APBA3: variants seen among roughly 807,000 people sequenced by gnomAD.
The protein encoded by APBA3 is amyloid beta precursor protein binding family A member 3.
Under a neutral mutation model 55.9 loss-of-function variants are expected in APBA3, and 45 were observed. The observed-to-expected ratio is 0.80, with a 90% CI of 0.63 to 1.03. APBA3 has a LOEUF of 1.03. Among genes scored for constraint, APBA3 ranks in the 50% least tolerant of loss-of-function variants. The pLI, the probability that APBA3 is intolerant of heterozygous loss-of-function variation, is 0.00. For synonymous variants in APBA3, 370 were observed against 353.3 expected (o/e 1.05, Z -0.53); for missense variants, 865 against 820.3 (o/e 1.05, Z -0.67).
At chr19:3,757,373 T>A (rs745977882) in intron 3 of APBA3, among the ~76,000 whole-genome samples, 108 of 152,214 alleles carry the variant, frequency 7.1e-4, no homozygotes, top group Non-Finnish European at 6.9e-4. Context: ...TTTCAAAGTG[T>A]TGGGATTACA....
chr19:3,760,874 C>T (rs1168217610), intron 1 of APBA3, among the ~76,000 whole-genome samples: 1 of 151,996 alleles, frequency 6.6e-6, no homozygotes, highest in East Asian at 1.9e-4. Flanking sequence ...GATTGTGCCA[C>T]TGCACTCCAG....
chr19:3,752,381 C>A, intron 8 of APBA3, 127 bp downstream of exon 8: 1 of 867,082 alleles, frequency 1.2e-6, no homozygotes, highest in Non-Finnish European at 1.7e-6. Flanking sequence ...CACCAGTGGG[C>A]AGGACTTAAA....
intron 3 of APBA3, among the ~76,000 whole-genome samples, chr19:3,759,127 A>G (rs1402261571): frequency 6.6e-6 from 1 of 151,814 alleles, no homozygotes; most frequent in Non-Finnish European, 1.5e-5. Context: ...TATTTGGGAA[A>G]CTGAGGTGGG....
At chr19:3,753,468 C>T (rs945449470) in intron 6 of APBA3, 8 of 402,076 alleles carry the variant, frequency 2.0e-5, no homozygotes, top group South Asian at 9.0e-5. Context: ...GGCAACAGAG[C>T]GAGACCGTGT....
intron 3 of APBA3, among the ~76,000 whole-genome samples, chr19:3,757,420 T>C (rs934137353): frequency 6.6e-6 from 1 of 151,560 alleles, no homozygotes; most frequent in Non-Finnish European, 1.5e-5. Context: ...ACTTACTATC[T>C]GACCTATATC....
At chr19:3,754,610 C>T (rs1240828687) in intron 3 of APBA3, 1 of 448,794 alleles carries the variant, frequency 2.2e-6, no homozygotes, top group African/African-American at 2.1e-5. Context: ...ATCTAGCACC[C>T]ACAGATACCT....
chr19:3,758,377 A>C (rs1599176400), intron 3 of APBA3, among the ~76,000 whole-genome samples: 4 of 149,954 alleles, frequency 2.7e-5, no homozygotes, highest in Admixed American at 2.0e-4. Context: ...TCCCGCCTCA[A>C]CCTCCTGAGT....
rs1018764553 is a variant in APBA3 at position 3,760,021 on chromosome 19, G to A, written c.244C>T (p.Pro82Ser). 6.2e-7 allele frequency: 1 copy of A among 1,613,154 alleles called. No homozygotes were observed. The highest frequency in any genetic ancestry group is 1.3e-5 in the African/African-American group (1 of 75,056). Residue 82 changes from proline (P) to serine (S), a missense_variant, in exon 2 of 11, where the codon CCC becomes TCC. Pro to Ser is a moderately conservative substitution (Grantham distance 74). Transcript: ENST00000316757. ...VGPSPGGAPC[P>S]LHIATGHGLA... is the part of the protein sequence containing the mutation. ...CCATGGCCTGTGGCAATGTGTAGGG[G>A]ACAGGGGGCTCCACCTGGGGATGGG...
Position 3,753,760 on chromosome 19 carries a change from C to G in APBA3, c.1011+5G>C. The stretch of plus-strand genomic sequence containing the variant: ...GGAGGGTGGCCCCGCGCCCTGGCTG[C>G]TCACGTCCTCCGCGTAGAATACGTG... On this transcript the variant is annotated splice_donor_5th_base_variant and intron_variant, in intron 6 of 10. Coordinates refer to ENST00000316757, the MANE Select transcript of APBA3 (RefSeq NM_004886.4). The G allele has an allele frequency of 7.3e-6, 11 of 1,512,384 alleles. No homozygotes were observed. Among genetic ancestry groups the G allele is most frequent in the Non-Finnish European group, 9.8e-6 (11 of 1,128,076 alleles). 93.7% of individuals were successfully genotyped at this position (1,512,384 alleles called of 1,614,324 possible). A position where few individuals can be genotyped will look rare whatever the true frequency, so the allele number is the denominator to read the frequency against.
rs1291915078 is a variant in APBA3, at chr19:3,759,787, C to T, written c.478G>A (p.Ala160Thr). The change falls in exon 2 of 11, where the codon GCT becomes ACT. Residue 160 changes from alanine (A) to threonine (T), a missense_variant. Transcript: ENST00000316757. ...GAGCTCCTGCTGCCCTCCTGCTCAG[C>T]AGAGGCCCCCTCCACCCATTCTGGG... ...DSPEWVEGAS[A>T]EQEGSRSSSS... The T allele has an allele frequency of 1.2e-6, 2 of 1,612,580 alleles. No homozygotes were observed. Among genetic ancestry groups the T allele is most frequent in the Non-Finnish European group, 1.7e-6 (2 of 1,179,890 alleles).
At chr19:3,758,070 G>A (rs540020626) in intron 3 of APBA3, among the ~76,000 whole-genome samples, 32 of 152,162 alleles carry the variant, frequency 2.1e-4, no homozygotes, top group South Asian at 1.5e-3. Context: ...GAGTAGCTGG[G>A]ATTACAGGCG....
In APBA3 at chr19:3,751,228, G is replaced by A. The variant is rs1165993757; in HGVS notation, c.1617C>T (p.His539=). 1.2e-5 allele frequency: 19 copies of A among 1,548,824 alleles called. No individual in the cohort carries two copies. The highest frequency in any genetic ancestry group is 1.2e-5 in the South Asian group (1 of 84,214). The change falls in exon 10 of 11, where the codon CAC becomes CAT. Residue 539 remains histidine (H), a synonymous_variant. Coordinates refer to ENST00000316757, the MANE Select transcript of APBA3 (RefSeq NM_004886.4). ...INGQSVVATP[H]ARIIELLTEA... ...CGGTGAGCAGCTCGATGATGCGGGCGTGTGGCGTGGCCACCACACTCTGCC... is the reference window on the plus strand; with the variant it reads ...CGGTGAGCAGCTCGATGATGCGGGCATGTGGCGTGGCCACCACACTCTGCC...
chr19:3,752,634 G>A lies in APBA3; in HGVS notation c.1269C>T (p.Ile423=), dbSNP rs759873125. ...CAGGCCCCCCGTGCAGCAGGTTGGC[G>A]ATGACGGCTGTGGGCAGCAGGGAGC... ...GWGSLLPTAV[I]ANLLHGGPAE... is the part of the protein sequence containing the mutation. The change falls in exon 8 of 11, where the codon ATC becomes ATT. Residue 423 remains isoleucine, a synonymous_variant. Transcript: ENST00000316757. 58 of 1,588,386 alleles carry A rather than the reference G, an allele frequency of 3.7e-5. No individual in the cohort carries two copies. The highest frequency in any genetic ancestry group is 4.3e-5 in the Non-Finnish European group (50 of 1,173,056).
chr19:3,750,832 C>T lies in APBA3; in HGVS notation c.*194G>A, dbSNP rs2036986245. On this transcript the variant is annotated 3_prime_UTR_variant, in exon 11 of 11. Transcript: ENST00000316757. The stretch of plus-strand genomic sequence containing the variant: ...CACAGCACCGGCTTCTAGTGGCTTC[C>T]AGGAAGGACAAGGTCCTCGGTCCCG... 1.0e-6 allele frequency: 1 copy of T among 969,790 alleles called. No homozygotes were observed. Among genetic ancestry groups the T allele is most frequent in the Non-Finnish European group, 1.6e-6 (1 of 638,414 alleles). The allele number at this position is 969,790 out of a possible 1,614,324, so 60.1% of individuals were successfully genotyped here. A position where few individuals can be genotyped will look rare whatever the true frequency, so the allele number is the denominator to read the frequency against.
At chr19:3,751,682 C>A in intron 8 of APBA3, 129 bp from the exon 9 acceptor site, 1 of 1,106,954 alleles carries the variant, frequency 9.0e-7, no homozygotes, top group Non-Finnish European at 1.3e-6. Context: ...TCTGGAAGAC[C>A]CCCTCAGATG....
In APBA3 at chr19:3,751,455, G is replaced by A; in HGVS notation, c.1494C>T (p.Gly498=). 6.5e-7 allele frequency: 1 copy of A among 1,547,250 alleles called. No individual in the cohort carries two copies. The highest frequency in any genetic ancestry group is 8.7e-7 in the Non-Finnish European group (1 of 1,150,748). Residue 498 remains glycine (G), a synonymous_variant, in exon 9 of 11, where the codon GGC becomes GGT. Transcript: ENST00000316757. ...IHRPHAREQL[G]FCVEDGIICS... ...TCACGATGCCGTCCTCCACGCAGAA[G>A]CCCAGCTGCTCGCGGGCGTGGGGCC...
chr19:3,751,410 C>CGGGGCCA, intron 9 of APBA3, 24 bp downstream of exon 9: 1 of 1,517,084 alleles, frequency 6.6e-7, no homozygotes, highest in East Asian at 2.5e-5. Context: ...CCCCCCACCC[C>CGGGGCCA]GGGGCCAGGG....
In APBA3 at chr19:3,754,103, G is replaced by T. The variant is rs1456064878; in HGVS notation, c.765C>A (p.Ala255=). Residue 255 remains alanine, a splice_region_variant and synonymous_variant, in exon 5 of 11, where the codon GCC becomes GCA. Coordinates refer to ENST00000316757, the MANE Select transcript of APBA3 (RefSeq NM_004886.4). The part of the protein sequence containing the change: ...QAREAMDRVK[A]PDGETQPMTE... ...TCATGGGCTGGGTCTCCCCATCGGG[G>T]GCCTGTGGGTGGCGGCGTGGGAGGT... 2 of 1,602,394 alleles carry T rather than the reference G, an allele frequency of 1.2e-6. No individual in the cohort carries two copies. The highest frequency in any genetic ancestry group is 1.3e-5 in the African/African-American group (1 of 74,672).
chr19:3,753,804 G>C lies in APBA3; in HGVS notation c.972C>G (p.Arg324=). The C allele has an allele frequency of 1.3e-6, 2 of 1,571,798 alleles. No homozygotes were observed. Among genetic ancestry groups the C allele is most frequent in the Non-Finnish European group, 1.7e-6 (2 of 1,161,266 alleles). The part of the protein sequence containing the change: ...RRPAPQDHGR[R]LYKMLCHVFY... ...ATACGTGGCAGAGCATCTTGTAGAG[G>C]CGGCGGCCGTGGTCCTGGGGTGCCG... The change falls in exon 6 of 11, where the codon CGC becomes CGG. Residue 324 remains arginine (R), a synonymous_variant. Coordinates refer to ENST00000316757, the MANE Select transcript of APBA3 (RefSeq NM_004886.4).
Sources: allele counts gnomAD v4.1 joint callset (sites outside exome capture counted in the v4.1 genomes callset), GRCh38; gene constraint gnomAD v4.1.1; transcripts MANE v1.5; gene names NCBI Gene and HGNC (gene_info 2026-07-23, HGNC 2026-07-21).